The following AGO3 variants were observed in gnomAD, a reference collection of about 807,000 sequenced individuals.
AGO3 encodes protein argonaute-3.
Under a neutral mutation model 105.5 loss-of-function variants are expected in AGO3, and 16 were observed. That is an observed-to-expected ratio of 0.15 (90% CI 0.10 to 0.23). AGO3 has a LOEUF of 0.23. Ranked by LOEUF, AGO3 falls within the 10% of genes least tolerant of loss-of-function variation. The pLI is 1.00. For missense variants in AGO3, 534 were observed against 1,088.0 expected (o/e 0.49, Z 7.16); for synonymous variants, 340 against 367.3 (o/e 0.93, Z 0.85).
intron 17 of AGO3, among the ~76,000 whole-genome samples, chr1:36,043,767 T>A (rs1448321546): frequency 6.6e-6 from 1 of 152,110 alleles, no homozygotes; most frequent in East Asian, 1.9e-4. Flanking sequence ...TATAAGTAGT[T>A]TAATAGAATG....
In AGO3 at chr1:35,932,373, T is replaced by C. The variant is rs562550651; in HGVS notation, c.19+928T>C. Among the ~76,000 whole-genome samples the C allele has an allele frequency of 3.9e-4, 59 of 152,328 alleles. 1 individual carries two copies. The highest frequency in any genetic ancestry group is 1.3e-3 in the African/African-American group (54 of 41,570). On this transcript the variant is annotated intron_variant, in intron 1 of 18. Coordinates refer to ENST00000373191, the MANE Select transcript of AGO3 (RefSeq NM_024852.4). ...TCAAAATATTTGCGGGGCTGTCTTG[T>C]TACTAATGGTGTTACAAGTTCCTGA...
Position 36,055,822 on chromosome 1 carries a change from T to C in AGO3, c.*77T>C. The C allele has an allele frequency of 6.9e-7, 1 of 1,452,960 alleles. No homozygotes were observed. Among genetic ancestry groups the C allele is most frequent in the Non-Finnish European group, 9.6e-7 (1 of 1,046,206 alleles). The allele number at this position is 1,452,960 out of a possible 1,614,324, so 90.0% of individuals were successfully genotyped here. A position where few individuals can be genotyped will look rare whatever the true frequency, so the allele number is the denominator to read the frequency against. ...CAACGTATGTTTCCAGTGAAGTCAA[T>C]TGAGTAAGGACACCTCCAGCCATAC... On this transcript the variant is annotated 3_prime_UTR_variant, in exon 19 of 19. Transcript: ENST00000373191. This position sits in a 1 kb window ranked among gnomAD's most constrained non-coding sequence, Gnocchi z 4.4.
At chr1:35,965,771 A>G (rs1035672709) in intron 2 of AGO3, among the ~76,000 whole-genome samples, 6 of 151,790 alleles carry the variant, frequency 4.0e-5, no homozygotes, top group African/African-American at 1.5e-4. Context: ...ATTGTTCCAG[A>G]AAATGCTGGG....
intron 9 of AGO3, among the ~76,000 whole-genome samples, chr1:36,010,601 CAA>C (rs1251742764): frequency 3.8e-4 from 35 of 92,156 alleles, no homozygotes; most frequent in Admixed American, 9.6e-4. Flanking sequence ...GACTCTGTCT[CAA>C]AAAAAAAAAA....
intron 14 of AGO3, 144 bp downstream of exon 14, chr1:36,036,411 G>A: frequency 1.3e-6 from 1 of 784,530 alleles, no homozygotes; most frequent in Non-Finnish European, 2.0e-6. Context: ...ATTATTCTCT[G>A]GTTTGGAGTT....
In AGO3 at chr1:36,057,560, A is replaced by G. The variant is rs897218219; in HGVS notation, c.*1815A>G. ...AGTTTTAAAGGAAAGTTGTGTCTGC[A>G]TCTTTACCATGGATAGTAGGAGGAA... is the stretch of plus-strand genomic sequence containing the variant. On this transcript the variant is annotated 3_prime_UTR_variant, in exon 19 of 19. Coordinates refer to ENST00000373191, the MANE Select transcript of AGO3 (RefSeq NM_024852.4). 4 of 152,172 alleles carry G rather than the reference A, an allele frequency of 2.6e-5. No homozygotes were observed. The highest frequency in any genetic ancestry group is 5.9e-5 in the Non-Finnish European group (4 of 68,026). 9.4% of individuals were successfully genotyped at this position (152,172 alleles called of 1,614,324 possible).
At chr1:35,942,890 C>G (rs1430404547) in intron 1 of AGO3, among the ~76,000 whole-genome samples, 1 of 152,166 alleles carries the variant, frequency 6.6e-6, no homozygotes, top group East Asian at 1.9e-4. Context: ...TTGCTCATAT[C>G]TCAACTCCCG....
chr1:35,992,396 C>T (rs1464867108), intron 5 of AGO3: 1 of 152,260 alleles, frequency 6.6e-6, no homozygotes, highest in Non-Finnish European at 1.5e-5. Flanking sequence ...GACTGCTTTT[C>T]TCTTTATTTT....
chr1:36,040,009 A>T (rs1238072505), intron 15 of AGO3, 25 bp downstream of exon 15: 2 of 1,582,168 alleles, frequency 1.3e-6, no homozygotes, highest in Non-Finnish European at 1.7e-6. Context: ...ATCTCATCAG[A>T]CTATGGTGAA....
chr1:36,035,882 A>C (rs1422686186), intron 13 of AGO3, among the ~76,000 whole-genome samples: 1 of 151,508 alleles, frequency 6.6e-6, no homozygotes, highest in Non-Finnish European at 1.5e-5. Context: ...AAATACAAAA[A>C]ATTAGCCGGG....
At chr1:35,983,772 G>A (rs779652191) in intron 5 of AGO3, among the ~76,000 whole-genome samples, 4 of 152,172 alleles carry the variant, frequency 2.6e-5, no homozygotes, top group Admixed American at 6.5e-5. Context: ...GGTATGAATG[G>A]TGGTACTGTC....
chr1:36,034,100 T>C, intron 12 of AGO3, 74 bp from the exon 13 acceptor site: 1 of 1,358,016 alleles, frequency 7.4e-7, no homozygotes, highest in Non-Finnish European at 9.6e-7. Context: ...GGAAACATAG[T>C]AGCTTTATTT....
At chr1:35,961,991 C>A (rs527290186) in intron 2 of AGO3, among the ~76,000 whole-genome samples, 1 of 151,992 alleles carries the variant, frequency 6.6e-6, no homozygotes, top group Non-Finnish European at 1.5e-5. Context: ...TTATTTTGTT[C>A]ATTGTTGTAG....
chr1:35,994,943 A>G (rs1180712062), intron 5 of AGO3, among the ~76,000 whole-genome samples: 2 of 152,016 alleles, frequency 1.3e-5, no homozygotes, highest in African/African-American at 2.4e-5. Context: ...TAGAAATCCC[A>G]TCAGGCTTAC....
chr1:35,972,522 T>C (rs935591959), intron 4 of AGO3, among the ~76,000 whole-genome samples: 2 of 152,242 alleles, frequency 1.3e-5, no homozygotes, highest in Admixed American at 1.3e-4. Flanking sequence ...TATTTTCAGA[T>C]GTATTTATTT....
intron 1 of AGO3, among the ~76,000 whole-genome samples, chr1:35,936,216 T>C (rs1223787117): frequency 6.6e-6 from 1 of 152,124 alleles, no homozygotes; most frequent in African/African-American, 2.4e-5. Flanking sequence ...TGCCATTATC[T>C]GTGTTAATAT....
chr1:35,950,261 T>A (rs1474904887), intron 2 of AGO3, among the ~76,000 whole-genome samples: 1 of 152,086 alleles, frequency 6.6e-6, no homozygotes, highest in Non-Finnish European at 1.5e-5. Flanking sequence ...TATAAAGTCA[T>A]AGTGATTCTC....
At chr1:36,035,744 T>G (rs947702836) in intron 13 of AGO3, among the ~76,000 whole-genome samples, 2 of 152,080 alleles carry the variant, frequency 1.3e-5, no homozygotes, top group Non-Finnish European at 2.9e-5. Context: ...GAATAAAACT[T>G]TGGATTGGCC....
chr1:35,949,697 CTG>C (rs997363448), intron 2 of AGO3, among the ~76,000 whole-genome samples: 2 of 152,226 alleles, frequency 1.3e-5, no homozygotes, highest in African/African-American at 2.4e-5. Context: ...TCATAGCACA[CTG>C]TGTTCTCAAC....
Sources: gnomAD v4.1 joint callset for allele counts (sites outside exome capture counted in the v4.1 genomes callset) on GRCh38, gnomAD v4.1.1 for gene constraint, Gnocchi (gnomAD v3.1) non-coding constraint, MANE v1.5 for transcripts, NCBI Gene and HGNC (gene_info 2026-07-23, HGNC 2026-07-21) for gene names.